Variants in DLG2 observed in about 807,000 individuals in gnomAD.
DLG2 encodes disks large homolog 2.
DLG2 carries 45 observed loss-of-function variants against 132.5 expected under a neutral mutation model. That is an observed-to-expected ratio of 0.34 (90% CI 0.27 to 0.44). DLG2 has a LOEUF of 0.44. Ranked by LOEUF, DLG2 falls within the 20% of genes least tolerant of loss-of-function variation. DLG2 has a pLI of 1.00. For missense variants in DLG2, 1,045 were observed against 1,196.9 expected (o/e 0.87, Z 1.87); for synonymous variants, 424 against 419.6 (o/e 1.01, Z -0.13).
At chr11:85,174,702 AATAG>A (rs930031692) in intron 4 of DLG2, among the ~76,000 whole-genome samples, 29 of 152,280 alleles carry the variant, frequency 1.9e-4, no homozygotes, top group African/African-American at 5.8e-4. Context: ...CTATTAATAA[AATAG>A]ATAGACACTA....
intron 3 of DLG2, among the ~76,000 whole-genome samples, chr11:85,446,286 A>C (rs931027085): frequency 4.6e-5 from 7 of 152,228 alleles, no homozygotes; most frequent in Non-Finnish European, 8.8e-5. Flanking sequence ...GAAAGATCAA[A>C]TCTAGAATAA....
chr11:84,324,295 T>C (rs1442269447), intron 7 of DLG2, among the ~76,000 whole-genome samples: 1 of 152,138 alleles, frequency 6.6e-6, no homozygotes, highest in East Asian at 1.9e-4. Context: ...CAACATTATT[T>C]GTTAAAAGAG....
chr11:84,776,028 C>G (rs1460724705), intron 6 of DLG2, among the ~76,000 whole-genome samples: 3 of 152,132 alleles, frequency 2.0e-5, no homozygotes, highest in East Asian at 3.9e-4. Flanking sequence ...TTTCTGATAA[C>G]TGATATTTCT....
intron 6 of DLG2, among the ~76,000 whole-genome samples, chr11:84,558,609 G>A (rs2099416678): frequency 6.6e-6 from 1 of 151,806 alleles, no homozygotes; most frequent in Non-Finnish European, 1.5e-5. Context: ...TTAAATCTTC[G>A]CTTCTAACTT....
intron 6 of DLG2, among the ~76,000 whole-genome samples, chr11:84,690,157 T>A (rs1211595954): frequency 6.6e-6 from 1 of 151,756 alleles, no homozygotes; most frequent in Non-Finnish European, 1.5e-5. Flanking sequence ...AGGAGAGATA[T>A]TGATCAAAGG....
At chr11:84,739,677 C>G (rs2064332230) in intron 6 of DLG2, among the ~76,000 whole-genome samples, 1 of 152,156 alleles carries the variant, frequency 6.6e-6, no homozygotes, top group Non-Finnish European at 1.5e-5. Context: ...CTGGGACTTT[C>G]ATTTGACTGT....
intron 19 of DLG2, among the ~76,000 whole-genome samples, chr11:83,560,890 T>G (rs1174697435): frequency 1.3e-5 from 2 of 152,168 alleles, no homozygotes; most frequent in African/African-American, 2.4e-5. Context: ...TAAGGAAATA[T>G]CTGAGACTGG....
intron 7 of DLG2, among the ~76,000 whole-genome samples, chr11:84,323,724 T>TA (rs2098417142): frequency 6.8e-6 from 1 of 147,534 alleles, no homozygotes; most frequent in Non-Finnish European, 1.5e-5. Flanking sequence ...TTTTTCCTTT[T>TA]TTTTTTTTTT....
chr11:84,811,114 G>C (rs2076512084), intron 6 of DLG2, among the ~76,000 whole-genome samples: 1 of 152,156 alleles, frequency 6.6e-6, no homozygotes, highest in Non-Finnish European at 1.5e-5. Flanking sequence ...TCTGACAACT[G>C]CATGTGAATG....
intron 7 of DLG2, among the ~76,000 whole-genome samples, chr11:84,404,621 C>T (rs1291586166): frequency 1.3e-5 from 2 of 151,982 alleles, no homozygotes; most frequent in African/African-American, 2.4e-5. Context: ...TATCTATGTA[C>T]AGGATGATTG....
chr11:83,708,992 C>G (rs1165014376), intron 18 of DLG2, among the ~76,000 whole-genome samples: 1 of 152,056 alleles, frequency 6.6e-6, no homozygotes. Context: ...GCCCATTTCC[C>G]TGACTTTACT....
intron 6 of DLG2, among the ~76,000 whole-genome samples, chr11:85,099,863 G>GA (rs1322522543): frequency 6.6e-6 from 1 of 152,042 alleles, no homozygotes; most frequent in South Asian, 2.1e-4. Context: ...TTTGTATCTA[G>GA]AAAAAAATCA....
At chr11:84,727,921 T>C (rs2062683476) in intron 6 of DLG2, among the ~76,000 whole-genome samples, 1 of 152,184 alleles carries the variant, frequency 6.6e-6, no homozygotes, top group Admixed American at 6.5e-5. Flanking sequence ...TAGAAATGCT[T>C]GTGATTTTGG....
chr11:83,775,431 C>A (rs1189552869), intron 18 of DLG2, among the ~76,000 whole-genome samples: 1 of 152,180 alleles, frequency 6.6e-6, no homozygotes, highest in Admixed American at 6.5e-5. Context: ...ACCACTTATG[C>A]TTTCTGTGTC....
chr11:84,150,548 T>C (rs1222048378), intron 9 of DLG2, among the ~76,000 whole-genome samples: 4 of 152,186 alleles, frequency 2.6e-5, no homozygotes, highest in Non-Finnish European at 5.9e-5. Flanking sequence ...CATAGTTTTC[T>C]ATTCTCTCAG....
At chr11:84,235,842 C>G (rs569844147) in intron 8 of DLG2, among the ~76,000 whole-genome samples, 90 of 152,096 alleles carry the variant, frequency 5.9e-4, no homozygotes, top group African/African-American at 2.0e-3. Flanking sequence ...AGTTATTAAT[C>G]TCTTTGCCTA....
chr11:85,016,067 T>C (rs1048743056), intron 6 of DLG2, among the ~76,000 whole-genome samples: 6 of 152,088 alleles, frequency 3.9e-5, no homozygotes, highest in Non-Finnish European at 8.8e-5. Context: ...AAAAAAACTA[T>C]AGGTAAAAAC....
At position 84,531,982 on chromosome 11, in the gene DLG2, T is replaced by G. The variant is rs565960478; in HGVS notation, c.519+2588A>C. Reference sequence around the variant, plus strand: ...TCAACTCTGATATACATTTTCCAAATGAGACAGTGAGTAGCATAATAAATG... The same window carrying G: ...TCAACTCTGATATACATTTTCCAAAGGAGACAGTGAGTAGCATAATAAATG... On this transcript the variant is annotated intron_variant, in intron 7 of 27. Coordinates refer to ENST00000376104, the MANE Select transcript of DLG2 (RefSeq NM_001142699.3). 3.9e-5 allele frequency among the ~76,000 whole-genome samples: 6 copies of G among 152,250 alleles called. No homozygotes were observed. In the South Asian group the frequency reaches 1.2e-3, roughly 32 times the overall value.
chr11:84,102,811 T>C (rs2092640379), intron 9 of DLG2, among the ~76,000 whole-genome samples: 1 of 152,164 alleles, frequency 6.6e-6, no homozygotes, highest in Non-Finnish European at 1.5e-5. Flanking sequence ...ACTTAGTCTG[T>C]GAATCAATAT....
Sources: gnomAD v4.1 joint callset for allele counts (sites outside exome capture counted in the v4.1 genomes callset) on GRCh38, gnomAD v4.1.1 for gene constraint, MANE v1.5 for transcripts, NCBI Gene and HGNC (gene_info 2026-07-23, HGNC 2026-07-21) for gene names.